The following RFC3 variants were observed in gnomAD, a reference collection of about 807,000 sequenced individuals.
RFC3 encodes the protein A1 38 kDa subunit.
A neutral mutation model predicts 45.1 loss-of-function variants in RFC3; 41 were observed. The observed-to-expected ratio is 0.91, with a 90% CI of 0.71 to 1.18. The LOEUF is 1.18. Ranked by LOEUF, RFC3 falls within the 50% of genes most tolerant of loss-of-function variation. The pLI, the probability that RFC3 is intolerant of heterozygous loss-of-function variation, is 0.00. For synonymous variants in RFC3, 149 were observed against 144.0 expected (o/e 1.03, Z -0.25); for missense variants, 423 against 428.1 (o/e 0.99, Z 0.10).
At chr13:33,831,202 TA>T in intron 6 of RFC3, 53 bp from the exon 7 acceptor site, 1 of 1,134,468 alleles carries the variant, frequency 8.8e-7, no homozygotes, top group South Asian at 1.3e-5. Flanking sequence ...ACTCCTGTTT[TA>T]GGACATAAGC....
At chr13:33,931,714 T>C (rs2082853690) in intron 8 of RFC3, among the ~76,000 whole-genome samples, 1 of 152,084 alleles carries the variant, frequency 6.6e-6, no homozygotes, top group Admixed American at 6.6e-5. Flanking sequence ...CTTTGTGATA[T>C]CTGATGTTAC....
intron 8 of RFC3, among the ~76,000 whole-genome samples, chr13:33,929,366 G>A (rs956742334): frequency 3.3e-5 from 5 of 152,052 alleles, no homozygotes; most frequent in African/African-American, 4.8e-5. Context: ...TAAATACATC[G>A]CTGACTTCAT....
intron 8 of RFC3, among the ~76,000 whole-genome samples, chr13:33,943,238 A>T (rs1019204124): frequency 2.6e-5 from 4 of 152,176 alleles, no homozygotes; most frequent in African/African-American, 9.7e-5. Flanking sequence ...TATTTTAAGC[A>T]TATTACATAT....
intron 8 of RFC3, among the ~76,000 whole-genome samples, chr13:33,928,324 T>C (rs1215459622): frequency 6.6e-6 from 1 of 152,092 alleles, no homozygotes; most frequent in Non-Finnish European, 1.5e-5. Context: ...CACTTATGTA[T>C]TTACGCAGTT....
At chr13:33,931,281 C>A (rs1226821470) in intron 8 of RFC3, among the ~76,000 whole-genome samples, 1 of 152,124 alleles carries the variant, frequency 6.6e-6, no homozygotes, top group African/African-American at 2.4e-5. Flanking sequence ...TAGTTCGTTT[C>A]ATCTAAACCA....
chr13:33,960,767 C>G (rs2083051938), intron 8 of RFC3, among the ~76,000 whole-genome samples: 1 of 152,214 alleles, frequency 6.6e-6, no homozygotes, highest in Non-Finnish European at 1.5e-5. Context: ...GCAGACTGGC[C>G]TCCTGCACTC....
intron 8 of RFC3, among the ~76,000 whole-genome samples, chr13:33,872,625 C>G (rs573823926): frequency 6.6e-6 from 1 of 151,976 alleles, no homozygotes; most frequent in South Asian, 2.1e-4. Context: ...ACCAGCTACT[C>G]GGGAGGCTGA....
At chr13:33,874,371 G>A (rs984764415) in intron 8 of RFC3, among the ~76,000 whole-genome samples, 1 of 152,218 alleles carries the variant, frequency 6.6e-6, no homozygotes, top group African/African-American at 2.4e-5. Context: ...AGGCTGGAGT[G>A]CAGTGGTGCA....
intron 8 of RFC3, among the ~76,000 whole-genome samples, chr13:33,917,504 G>A (rs1195439360): frequency 6.6e-6 from 1 of 152,060 alleles, no homozygotes; most frequent in Non-Finnish European, 1.5e-5. Flanking sequence ...TTAGAGTTAA[G>A]CTAATGCTGC....
chr13:33,862,141 T>C lies in RFC3; in HGVS notation c.879+26924T>C, dbSNP rs1304440246. 2.6e-5 allele frequency among the ~76,000 whole-genome samples: 4 copies of C among 152,316 alleles called. No homozygotes were observed. In the East Asian group the frequency reaches 7.7e-4, roughly 29 times the overall value. ...TTCAATTAATCAAAAATGTTTTCCC[T>C]TCCACTTAGCTAAGTCGCTCAGGTC... On this transcript the variant is annotated intron_variant, in intron 8 of 8. Coordinates refer to the RFC3 transcript ENST00000434425.
chr13:33,834,789 C>T (rs1458413636), intron 7 of RFC3, among the ~76,000 whole-genome samples: 1 of 152,090 alleles, frequency 6.6e-6, no homozygotes, highest in African/African-American at 2.4e-5. Flanking sequence ...TGTGAATAAG[C>T]TCAACCCGCG....
At chr13:33,896,895 A>T (rs1451642821) in intron 8 of RFC3, among the ~76,000 whole-genome samples, 1 of 152,038 alleles carries the variant, frequency 6.6e-6, no homozygotes, top group Non-Finnish European at 1.5e-5. Flanking sequence ...TAGCAAAGCT[A>T]TCCTTCAAAT....
At position 33,965,990 on chromosome 13, in the gene RFC3, T is replaced by C. The variant is rs951075561; in HGVS notation, c.880-97T>C. The C allele has an allele frequency of 7.0e-6, 6 of 861,220 alleles. No individual in the cohort carries two copies. In the African/African-American group the frequency reaches 1.0e-4, roughly 14 times the overall value. 53.3% of individuals were successfully genotyped at this position (861,220 alleles called of 1,614,324 possible). On this transcript the variant is annotated intron_variant, in intron 8 of 8. Transcript: ENST00000434425. Reference sequence around the variant, plus strand: ...GCTTGCTCCTGAGCCTTAAATTACTTTGAAGTGTATTACACATCCTTTGTA... The same window carrying C: ...GCTTGCTCCTGAGCCTTAAATTACTCTGAAGTGTATTACACATCCTTTGTA...
At chr13:33,909,156 T>C (rs2082689481) in intron 8 of RFC3, among the ~76,000 whole-genome samples, 1 of 152,090 alleles carries the variant, frequency 6.6e-6, no homozygotes, top group African/African-American at 2.4e-5. Flanking sequence ...ACCTGTAATA[T>C]ACATTTTTTT....
At chr13:33,939,165 G>A (rs901344596) in intron 8 of RFC3, among the ~76,000 whole-genome samples, 2 of 152,032 alleles carry the variant, frequency 1.3e-5, no homozygotes, top group Non-Finnish European at 2.9e-5. Flanking sequence ...TATATTTTGT[G>A]GCTTGTTTTT....
rs1185015831 is a variant in RFC3 at position 33,825,764 on chromosome 13, A to G, written c.294-25A>G. 5 of 1,427,358 alleles carry G rather than the reference A, an allele frequency of 3.5e-6. No individual in the cohort carries two copies. In the South Asian group the frequency reaches 5.0e-5, roughly 14 times the overall value. 88.4% of individuals were successfully genotyped at this position (1,427,358 alleles called of 1,614,324 possible). A position where few individuals can be genotyped will look rare whatever the true frequency, so the allele number is the denominator to read the frequency against. ...AATAACAATATTAAGGGCATACTAT[A>G]TACCATTATTTTTGTTTTGTGTAGT... On this transcript the variant is annotated intron_variant, in intron 3 of 8. Transcript: ENST00000380071.
chr13:33,834,576 C>G (rs1251645835), intron 7 of RFC3, among the ~76,000 whole-genome samples: 2 of 151,858 alleles, frequency 1.3e-5, no homozygotes, highest in Non-Finnish European at 1.5e-5. Flanking sequence ...AGGGACAGCT[C>G]TGTATCCCTG....
At chr13:33,946,801 A>G (rs189246335) in intron 8 of RFC3, among the ~76,000 whole-genome samples, 52 of 152,354 alleles carry the variant, frequency 3.4e-4, no homozygotes, top group African/African-American at 1.2e-3. Context: ...TTGAGACTAT[A>G]CTAAAACTTG....
At chr13:33,863,949 C>T (rs2082357615) in intron 8 of RFC3, among the ~76,000 whole-genome samples, 1 of 152,116 alleles carries the variant, frequency 6.6e-6, no homozygotes, top group South Asian at 2.1e-4. Flanking sequence ...TAAAGGAATA[C>T]CTAAGACTGG....
Sources: gnomAD v4.1 joint callset for allele counts (sites outside exome capture counted in the v4.1 genomes callset) on GRCh38, gnomAD v4.1.1 for gene constraint, MANE v1.5 for transcripts, NCBI Gene and HGNC (gene_info 2026-07-23, HGNC 2026-07-21) for gene names.